The following STOX1 variants were observed in gnomAD, a reference collection of about 807,000 sequenced individuals.
STOX1 encodes storkhead box 1, also known as storkhead-box protein 1.
STOX1 carries 57 observed loss-of-function variants against 74.8 expected under a neutral mutation model. That is an observed-to-expected ratio of 0.76 (90% CI 0.62 to 0.95). The LOEUF (loss-of-function observed/expected upper bound fraction) is 0.95. STOX1 is among the 40% of genes least tolerant of loss of function. The probability of loss-of-function intolerance (pLI) is 0.00; values close to 1 mark genes in which losing one functional copy is unlikely to be tolerated. For missense variants in STOX1, 1,010 were observed against 1,117.0 expected (o/e 0.90, Z 1.37); for synonymous variants, 375 against 401.3 (o/e 0.93, Z 0.78).
chr10:68,858,662 G>A (rs571049214), intron 1 of STOX1, among the ~76,000 whole-genome samples: 1 of 152,194 alleles, frequency 6.6e-6, no homozygotes, highest in East Asian at 1.9e-4. Context: ...TTTCCAGATT[G>A]GGACACGAGC....
intron 1 of STOX1, among the ~76,000 whole-genome samples, chr10:68,870,571 T>C (rs1589230652): frequency 6.6e-6 from 1 of 152,192 alleles, no homozygotes; most frequent in Non-Finnish European, 1.5e-5. Flanking sequence ...TTATGGACAT[T>C]AAATTAGGGA....
At chr10:68,838,497 C>T (rs1839614614) in intron 1 of STOX1, among the ~76,000 whole-genome samples, 1 of 152,036 alleles carries the variant, frequency 6.6e-6, no homozygotes, top group African/African-American at 2.4e-5. Flanking sequence ...TTAGGGTTTC[C>T]TATGTAAGAT....
intron 1 of STOX1, among the ~76,000 whole-genome samples, chr10:68,870,739 T>A (rs781730524): frequency 6.6e-6 from 1 of 152,146 alleles, no homozygotes; most frequent in Non-Finnish European, 1.5e-5. Flanking sequence ...GGGGACAACA[T>A]GACAGGAAAT....
chr10:68,854,111 T>C (rs1416034252), intron 1 of STOX1, among the ~76,000 whole-genome samples: 1 of 152,004 alleles, frequency 6.6e-6, no homozygotes, highest in Non-Finnish European at 1.5e-5. Context: ...TTCCCCTGTC[T>C]CATCCTCCCA....
intron 1 of STOX1, among the ~76,000 whole-genome samples, chr10:68,876,207 T>TA (rs1840673811): frequency 6.6e-6 from 1 of 151,510 alleles, no homozygotes; most frequent in African/African-American, 2.4e-5. Context: ...GCCCAGGCTG[T>TA]AGTGCAATGG....
intron 1 of STOX1, among the ~76,000 whole-genome samples, chr10:68,847,730 G>T (rs992503101): frequency 1.0e-4 from 15 of 145,418 alleles, no homozygotes; most frequent in South Asian, 6.6e-4. Context: ...TTTTTTTTTT[G>T]TTTTGTTTTG....
intron 1 of STOX1, among the ~76,000 whole-genome samples, chr10:68,836,127 C>T (rs1839545664): frequency 6.6e-6 from 1 of 152,250 alleles, no homozygotes; most frequent in African/African-American, 2.4e-5. Flanking sequence ...GCCTCGGCCT[C>T]CCAGAGTGCT....
intron 3 of STOX1, among the ~76,000 whole-genome samples, chr10:68,888,865 G>C (rs1025522496): frequency 1.6e-5 from 2 of 121,436 alleles, no homozygotes; most frequent in Admixed American, 1.1e-4. Context: ...TGTTGCTCAG[G>C]CTGGTTGGTC....
At chr10:68,840,124 A>G (rs1302717066) in intron 1 of STOX1, among the ~76,000 whole-genome samples, 1 of 152,184 alleles carries the variant, frequency 6.6e-6, no homozygotes, top group African/African-American at 2.4e-5. Context: ...TGGGAAAACA[A>G]TCTCCACATG....
chr10:68,852,248 G>GATTTT (rs200461358), intron 1 of STOX1, among the ~76,000 whole-genome samples: 4,685 of 131,360 alleles, frequency 0.036, 339 homozygotes, highest in Non-Finnish European at 0.054. Flanking sequence ...TTCTCTTACT[G>GATTTT]CTTTTTTTTT....
chr10:68,837,554 C>T (rs918882145), intron 1 of STOX1, among the ~76,000 whole-genome samples: 9 of 152,238 alleles, frequency 5.9e-5, no homozygotes, highest in Admixed American at 1.3e-4. Context: ...ATGGCAGATA[C>T]TTCTCAGCCT....
At chr10:68,888,730 G>T (rs1270851378) in intron 3 of STOX1, among the ~76,000 whole-genome samples, 1 of 145,404 alleles carries the variant, frequency 6.9e-6, no homozygotes, top group Non-Finnish European at 1.5e-5. Flanking sequence ...AACCTCCCTG[G>T]GCTCAAGTGA....
At chr10:68,849,021 T>C (rs1021167991) in intron 1 of STOX1, among the ~76,000 whole-genome samples, 1 of 152,170 alleles carries the variant, frequency 6.6e-6, no homozygotes, top group Non-Finnish European at 1.5e-5. Flanking sequence ...AAGCCAGGCA[T>C]GGGACCCACG....
At chr10:68,862,176 TCC>T (rs1840282047) in intron 1 of STOX1, among the ~76,000 whole-genome samples, 1 of 151,992 alleles carries the variant, frequency 6.6e-6, no homozygotes, top group Non-Finnish European at 1.5e-5. Flanking sequence ...CAGTGATCAG[TCC>T]CATAATAATT....
intron 3 of STOX1, among the ~76,000 whole-genome samples, chr10:68,892,012 G>A (rs555582224): frequency 2.0e-5 from 3 of 151,692 alleles, no homozygotes; most frequent in South Asian, 2.1e-4. Context: ...GTAGAGACAG[G>A]GTTTCACCAT....
chr10:68,849,106 G>C (rs1386398296), intron 1 of STOX1, among the ~76,000 whole-genome samples: 1 of 152,214 alleles, frequency 6.6e-6, no homozygotes, highest in Admixed American at 6.5e-5. Context: ...TTGATTTCAT[G>C]TGCTGAAAAA....
chr10:68,893,653 G>A (rs1026057989), downstream of STOX1, among the ~76,000 whole-genome samples: 2 of 152,142 alleles, frequency 1.3e-5, no homozygotes, highest in African/African-American at 2.4e-5. Context: ...TCCTGACCTC[G>A]TGATCCACCC....
Position 68,829,729 on chromosome 10 carries a change from T to G in STOX1, c.310+1796T>G, listed in dbSNP as rs577220605. Among the ~76,000 whole-genome samples the G allele has an allele frequency of 1.6e-4, 25 of 151,800 alleles. No individual in the cohort carries two copies. In the South Asian group the frequency reaches 5.2e-3, roughly 32 times the overall value. ...CCCTCTCCTCCCCACCCCGCCCCCG[T>G]TTTTCTTAAGCTCAAAAAAGAGCTC... On this transcript the variant is annotated intron_variant, in intron 1 of 3. Transcript: ENST00000298596.
rs754785039 is a variant in STOX1 at position 68,884,376 on chromosome 10, AT to A, written c.582del (p.Thr195GlnfsTer19). The A allele has an allele frequency of 6.2e-7, 1 of 1,614,174 alleles. No individual in the cohort carries two copies. Reference protein sequence around the residue: ...YFIVTPQTYFITNTTTQENKR... With the variant: ...YFIVTPQTYFXTNTTTQENKR... ...CATAGTTACTCCTCAGACTTACTTCATTACAAATACAACCACCCAGGAAAAT... is the reference window on the plus strand; with the variant it reads ...CATAGTTACTCCTCAGACTTACTTCATACAAATACAACCACCCAGGAAAAT... On this transcript the variant is annotated frameshift_variant, in exon 3 of 4. Coordinates refer to ENST00000298596, the MANE Select transcript of STOX1 (RefSeq NM_152709.5). LOFTEE classifies it high-confidence loss of function.
Sources: gnomAD v4.1 joint callset for allele counts (sites outside exome capture counted in the v4.1 genomes callset) on GRCh38, gnomAD v4.1.1 for gene constraint, MANE v1.5 for transcripts, NCBI Gene and HGNC (gene_info 2026-07-23, HGNC 2026-07-21) for gene names.